Variants in RBFOX2 observed in about 807,000 individuals in gnomAD.
RBFOX2 encodes the protein RNA binding protein fox-1 homolog 2.
A neutral mutation model predicts 49.1 loss-of-function variants in RBFOX2; 10 were observed. The ratio of observed to expected loss-of-function variants is 0.20; its 90% CI spans 0.13 to 0.35. The LOEUF (loss-of-function observed/expected upper bound fraction) is 0.35, where lower values mean the gene tolerates loss of function less well. RBFOX2 is among the 10% of genes least tolerant of loss of function. The pLI is 1.00. For missense variants in RBFOX2, 323 were observed against 486.9 expected, an observed-to-expected ratio of 0.66 and a Z score of 3.17; for synonymous variants, 183 against 187.4, an observed-to-expected ratio of 0.98 and a Z score of 0.19.
intron 1 of RBFOX2, among the ~76,000 whole-genome samples, chr22:35,978,661 C>A (rs1449176259): frequency 6.6e-6 from 1 of 152,094 alleles, no homozygotes; most frequent in African/African-American, 2.4e-5. Flanking sequence ...AAAGCAGGTC[C>A]CACTGGCTAA....
chr22:35,969,913 T>C (rs1053305738), intron 1 of RBFOX2, among the ~76,000 whole-genome samples: 4 of 152,230 alleles, frequency 2.6e-5, no homozygotes, highest in Admixed American at 6.5e-5. Context: ...ACTGTGCATG[T>C]GCAGTTTTCT....
At chr22:35,985,628 A>G (rs1046982276) in intron 1 of RBFOX2, among the ~76,000 whole-genome samples, 21 of 152,184 alleles carry the variant, frequency 1.4e-4, no homozygotes, top group African/African-American at 4.8e-4. Flanking sequence ...GAGCCACACC[A>G]AAGGCCTATA....
chr22:35,991,167 T>C (rs976076425), intron 1 of RBFOX2, among the ~76,000 whole-genome samples: 2 of 151,882 alleles, frequency 1.3e-5, no homozygotes, highest in Non-Finnish European at 2.9e-5. Flanking sequence ...TGTAAAGTCC[T>C]GAGAAAGAAA....
chr22:35,862,181 G>C (rs1396301566), intron 1 of RBFOX2, among the ~76,000 whole-genome samples: 2 of 152,116 alleles, frequency 1.3e-5, no homozygotes, highest in Non-Finnish European at 2.9e-5. Context: ...TTACGGAGAT[G>C]ATTCATATGT....
intron 1 of RBFOX2, chr22:35,997,570 T>C (rs778583738): frequency 5.3e-5 from 8 of 152,220 alleles, no homozygotes; most frequent in Admixed American, 1.3e-4. Flanking sequence ...TTGCAACTAA[T>C]TGCCAAAGAG....
intron 1 of RBFOX2, among the ~76,000 whole-genome samples, chr22:35,927,171 A>G (rs767319805): frequency 6.6e-6 from 1 of 152,222 alleles, no homozygotes; most frequent in Non-Finnish European, 1.5e-5. Flanking sequence ...AAATTTCATA[A>G]GGGAGATTAA....
chr22:35,954,677 A>G (rs1249413866), intron 1 of RBFOX2, among the ~76,000 whole-genome samples: 1 of 152,040 alleles, frequency 6.6e-6, no homozygotes, highest in Non-Finnish European at 1.5e-5. Flanking sequence ...TTTTCTTCTC[A>G]TTTACTCCTT....
At chr22:35,869,472 A>G (rs2044096939) in intron 1 of RBFOX2, among the ~76,000 whole-genome samples, 1 of 76,094 alleles carries the variant, frequency 1.3e-5, no homozygotes. Flanking sequence ...GGCTGACCAA[A>G]AAAAAAAAAA....
At chr22:35,792,866 T>TA (rs1948034163) in intron 2 of RBFOX2, among the ~76,000 whole-genome samples, 1 of 152,242 alleles carries the variant, frequency 6.6e-6, no homozygotes, top group Non-Finnish European at 1.5e-5. Flanking sequence ...GCATAGTATC[T>TA]CAAAAAACAA....
chr22:35,746,098 AT>A, intron 10 of RBFOX2, 103 bp from the exon 13 acceptor site: 1 of 1,029,168 alleles, frequency 9.7e-7, no homozygotes, highest in African/African-American at 1.6e-5. Flanking sequence ...TTGGTCTTGG[AT>A]TATCATAAGG....
At chr22:35,974,699 A>C (rs975910501) in intron 1 of RBFOX2, among the ~76,000 whole-genome samples, 2 of 152,078 alleles carry the variant, frequency 1.3e-5, no homozygotes, top group African/African-American at 2.4e-5. Context: ...AAACAAAAAC[A>C]ACAACAACAA....
At chr22:35,840,446 C>G in exon 1 of RBFOX2, 2 of 1,431,422 alleles carry the variant, frequency 1.4e-6, no homozygotes, top group Non-Finnish European at 1.8e-6. Flanking sequence ...CCTCCCATAT[C>G]TCAGGCAGAT....
chr22:35,780,042 C>T (rs974851523), intron 3 of RBFOX2, among the ~76,000 whole-genome samples: 4 of 152,198 alleles, frequency 2.6e-5, no homozygotes, highest in South Asian at 2.1e-4. Context: ...CTCATGCTCC[C>T]GAGAAGTTTC....
exon 2 of RBFOX2, chr22:35,809,790 C>A: frequency 6.8e-6 from 11 of 1,613,848 alleles, no homozygotes; most frequent in Non-Finnish European, 9.3e-6. Flanking sequence ...CGTAAGAGAT[C>A]CATTTTGTGT....
At chr22:35,958,457 T>G (rs1433351850) in intron 1 of RBFOX2, among the ~76,000 whole-genome samples, 2 of 152,190 alleles carry the variant, frequency 1.3e-5, no homozygotes, top group African/African-American at 4.8e-5. Flanking sequence ...CTAAGTCCAT[T>G]AAGATCTGGG....
At chr22:35,771,508 ATAATAAATGTGT>A (rs1397495317) in intron 4 of RBFOX2, among the ~76,000 whole-genome samples, 2 of 152,186 alleles carry the variant, frequency 1.3e-5, no homozygotes, top group Non-Finnish European at 2.9e-5. Context: ...GAGCTGTAAG[ATAATAAATGTGT>A]GGTTTTAAGC....
intron 1 of RBFOX2, among the ~76,000 whole-genome samples, chr22:35,961,216 T>C (rs1018839350): frequency 2.0e-5 from 3 of 152,282 alleles, no homozygotes; most frequent in South Asian, 4.1e-4. Flanking sequence ...ATAAAAGGTA[T>C]TGTACAAAGG....
chr22:35,996,122 C>T (rs948074432), intron 1 of RBFOX2: 3 of 152,126 alleles, frequency 2.0e-5, no homozygotes, highest in Admixed American at 1.3e-4. Context: ...TATTTTCTCT[C>T]CCAAATGAAA....
At chr22:35,894,651 C>A (rs2047622509) in intron 1 of RBFOX2, among the ~76,000 whole-genome samples, 1 of 152,138 alleles carries the variant, frequency 6.6e-6, no homozygotes, top group African/African-American at 2.4e-5. Context: ...AAAACAATGT[C>A]ACAATCACCG....
Sources: allele counts gnomAD v4.1 joint callset (sites outside exome capture counted in the v4.1 genomes callset), GRCh38; gene constraint gnomAD v4.1.1; transcripts MANE v1.5; gene names NCBI Gene and HGNC (gene_info 2026-07-23, HGNC 2026-07-21).